HMG20A: variants seen among roughly 807,000 people sequenced by gnomAD.
HMG20A encodes the protein high mobility group 20A.
A neutral mutation model predicts 43.9 loss-of-function variants in HMG20A; 17 were observed. The observed-to-expected ratio is 0.39, with a 90% CI of 0.27 to 0.58. The LOEUF (loss-of-function observed/expected upper bound fraction) is 0.58. HMG20A is among the 20% of genes least tolerant of loss of function. HMG20A has a pLI of 0.59. For synonymous variants in HMG20A, 132 were observed against 147.5 expected (o/e 0.89, Z 0.76); for missense variants, 341 against 438.2 (o/e 0.78, Z 1.98).
intron 4 of HMG20A, among the ~76,000 whole-genome samples, chr15:77,468,549 T>C (rs2072777434): frequency 6.6e-6 from 1 of 151,928 alleles, no homozygotes; most frequent in South Asian, 2.1e-4. Flanking sequence ...TCAGTCTTTC[T>C]TATACTTTTG....
chr15:77,445,992 C>G (rs1192115568), intron 1 of HMG20A, among the ~76,000 whole-genome samples: 4 of 152,238 alleles, frequency 2.6e-5, no homozygotes, highest in Non-Finnish European at 5.9e-5. Context: ...GGACTACCGT[C>G]TATGCTGATT....
At chr15:77,462,982 G>A (rs556032651) in intron 2 of HMG20A, among the ~76,000 whole-genome samples, 44 of 152,096 alleles carry the variant, frequency 2.9e-4, no homozygotes, top group African/African-American at 8.9e-4. Flanking sequence ...ATGTTGGCCA[G>A]GCTGGCTTTG....
At chr15:77,499,548 G>C in the HMG20A span, among the ~76,000 whole-genome samples, 1 of 151,872 alleles carries the variant, frequency 6.6e-6, no homozygotes, top group Non-Finnish European at 1.5e-5. Flanking sequence ...CACACACACA[G>C]AGCCCTGGAA....
chr15:77,473,411 CT>C (rs2072828039), intron 6 of HMG20A, among the ~76,000 whole-genome samples: 1 of 152,176 alleles, frequency 6.6e-6, no homozygotes, highest in Non-Finnish European at 1.5e-5. Flanking sequence ...AATTCCTGTG[CT>C]TCTTTTTTTC....
intron 9 of HMG20A, among the ~76,000 whole-genome samples, chr15:77,480,014 C>G (rs2072892087): frequency 6.6e-6 from 1 of 152,114 alleles, no homozygotes. Flanking sequence ...ACTCTTCAGC[C>G]AGGTGCAATG....
At chr15:77,467,018 G>A in intron 3 of HMG20A, 77 bp from the exon 4 acceptor site, 1 of 1,217,138 alleles carries the variant, frequency 8.2e-7, no homozygotes. Flanking sequence ...GTTGTTGTTT[G>A]TTTTTGTTGT....
chr15:77,503,531 G>C, the HMG20A span, among the ~76,000 whole-genome samples: 1 of 152,172 alleles, frequency 6.6e-6, no homozygotes, highest in African/African-American at 2.4e-5. Context: ...CTCCTCAGGA[G>C]ATGCTCTCTG....
At chr15:77,474,372 A>T (rs990940507) in intron 6 of HMG20A, among the ~76,000 whole-genome samples, 1 of 152,202 alleles carries the variant, frequency 6.6e-6, no homozygotes, top group South Asian at 2.1e-4. Context: ...TCATTTTGCC[A>T]GTGAGGAAAG....
the HMG20A span, among the ~76,000 whole-genome samples, chr15:77,498,513 C>T: frequency 6.6e-6 from 1 of 152,164 alleles, no homozygotes; most frequent in Admixed American, 6.5e-5. Flanking sequence ...CTGCAGTCCC[C>T]AGGCACCTCT....
chr15:77,434,012 A>G (rs1351080626), intron 1 of HMG20A, among the ~76,000 whole-genome samples: 2 of 152,224 alleles, frequency 1.3e-5, no homozygotes, highest in Admixed American at 6.5e-5. Flanking sequence ...AGTAATTACA[A>G]TGTGGTAATG....
the HMG20A span, among the ~76,000 whole-genome samples, chr15:77,505,472 T>C: frequency 0.087 from 13,160 of 151,948 alleles, 642 homozygotes; most frequent in Non-Finnish European, 0.1. Context: ...CCGATGGCCT[T>C]GATCATAGGG....
chr15:77,440,014 T>G (rs1380796031), intron 1 of HMG20A, among the ~76,000 whole-genome samples: 1 of 152,070 alleles, frequency 6.6e-6, no homozygotes, highest in East Asian at 1.9e-4. Flanking sequence ...GCCCCCTTTT[T>G]TAAAAAAATG....
the HMG20A span, among the ~76,000 whole-genome samples, chr15:77,502,507 G>A: frequency 7.2e-4 from 109 of 152,106 alleles, no homozygotes; most frequent in Non-Finnish European, 1.3e-3. Flanking sequence ...CTGCTAACAC[G>A]TAAAGTTGGT....
At chr15:77,512,422 T>C in the HMG20A span, among the ~76,000 whole-genome samples, 1 of 150,746 alleles carries the variant, frequency 6.6e-6, no homozygotes, top group African/African-American at 2.4e-5. Flanking sequence ...TTTACCACAA[T>C]TTAAAAAATA....
the HMG20A span, among the ~76,000 whole-genome samples, chr15:77,514,413 TAAA>T: frequency 6.6e-6 from 1 of 152,316 alleles, no homozygotes; most frequent in African/African-American, 2.4e-5. Context: ...GAAAGGCACA[TAAA>T]GAAGATCTCG....
chr15:77,507,107 C>A, the HMG20A span, among the ~76,000 whole-genome samples: 367 of 152,362 alleles, frequency 2.4e-3, 2 homozygotes, highest in African/African-American at 8.2e-3. Flanking sequence ...CTCTGCCTGA[C>A]TGTCTTCAAG....
chr15:77,423,977 C>T (rs897221036), intron 1 of HMG20A, among the ~76,000 whole-genome samples: 1 of 152,176 alleles, frequency 6.6e-6, no homozygotes, highest in Non-Finnish European at 1.5e-5. Context: ...AGAGTGTCTA[C>T]TATATGCCAG....
In HMG20A at chr15:77,467,246, T is replaced by C; in HGVS notation, c.389T>C (p.Phe130Ser). The change falls in exon 4 of 10, where the codon TTT (phenylalanine) becomes TCT (serine). Residue 130 changes from phenylalanine (F) to serine (S), a missense_variant. Coordinates refer to ENST00000336216, the MANE Select transcript of HMG20A (RefSeq NM_001304504.2). ...CGAGCAAAGAGACCAGAAGTCCCAT[T>C]TCCAGAAATCACAAGGATGTTAGGC... is the stretch of plus-strand genomic sequence containing the variant. ...QLRAKRPEVP[F>S]PEITRMLGNE... is the part of the protein sequence containing the mutation. The C allele has an allele frequency of 6.2e-7, 1 of 1,614,092 alleles. No individual in the cohort carries two copies. Among genetic ancestry groups the C allele is most frequent in the Non-Finnish European group, 8.5e-7 (1 of 1,179,976 alleles).
At chr15:77,456,252 G>C (rs780748779) in intron 1 of HMG20A, among the ~76,000 whole-genome samples, 1 of 152,142 alleles carries the variant, frequency 6.6e-6, no homozygotes, top group Non-Finnish European at 1.5e-5. Flanking sequence ...TGGCATAGTG[G>C]ATGAAAAGAC....
Sources: allele counts gnomAD v4.1 joint callset (sites outside exome capture counted in the v4.1 genomes callset), GRCh38; gene constraint gnomAD v4.1.1; transcripts MANE v1.5; gene names NCBI Gene and HGNC (gene_info 2026-07-23, HGNC 2026-07-21).